Variants in PTPRK observed in about 807,000 individuals in gnomAD.
PTPRK encodes protein tyrosine phosphatase receptor type K, also known as receptor-type tyrosine-protein phosphatase kappa.
Under a neutral mutation model 178.0 loss-of-function variants are expected in PTPRK, and 75 were observed. The ratio of observed to expected loss-of-function variants is 0.42; its 90% CI spans 0.35 to 0.51. PTPRK has a LOEUF of 0.51. Among genes scored for constraint, PTPRK ranks in the 20% least tolerant of loss-of-function variants. The pLI, the probability that PTPRK is intolerant of heterozygous loss-of-function variation, is 0.02. For synonymous variants in PTPRK, 637 were observed against 620.6 expected, an observed-to-expected ratio of 1.03 and a Z score of -0.39; for missense variants, 1,441 against 1,797.8, an observed-to-expected ratio of 0.80 and a Z score of 3.59.
At chr6:128,277,524 C>T (rs1820915763) in intron 3 of PTPRK, among the ~76,000 whole-genome samples, 1 of 152,056 alleles carries the variant, frequency 6.6e-6, no homozygotes, top group Admixed American at 6.6e-5. Flanking sequence ...ACCTGTTCTC[C>T]CAAAACAATA....
At chr6:127,987,105 A>T (rs897762623) in intron 21 of PTPRK, among the ~76,000 whole-genome samples, 2 of 152,106 alleles carry the variant, frequency 1.3e-5, no homozygotes, top group Non-Finnish European at 2.9e-5. Flanking sequence ...GGAGTTGCTT[A>T]ATAGGCCTTG....
intron 7 of PTPRK, among the ~76,000 whole-genome samples, chr6:128,170,401 C>T (rs1414805371): frequency 6.6e-6 from 1 of 152,006 alleles, no homozygotes; most frequent in East Asian, 1.9e-4. Flanking sequence ...ATTAAAACAA[C>T]AAGAACAACA....
At chr6:128,006,455 A>G (rs1778422092) in intron 14 of PTPRK, among the ~76,000 whole-genome samples, 2 of 151,122 alleles carry the variant, frequency 1.3e-5, no homozygotes, top group South Asian at 4.1e-4. Context: ...TTTTCTTTAG[A>G]TACAAAACAT....
rs146267845 is a variant in PTPRK at position 128,040,094 on chromosome 6, G to A, written c.2194+24664C>T. Among the ~76,000 whole-genome samples the A allele has an allele frequency of 3.2e-3, 491 of 152,152 alleles. 2 individuals carry two copies. Among genetic ancestry groups the A allele is most frequent in the African/African-American group, 0.011 (465 of 41,530 alleles). Reference sequence around the variant, plus strand: ...AGAAAATGCCTGAATTAGATAAGGCGAAATTTTAGCTACATACTTCTTAGG... The same window carrying A: ...AGAAAATGCCTGAATTAGATAAGGCAAAATTTTAGCTACATACTTCTTAGG... On this transcript the variant is annotated intron_variant, in intron 13 of 29. Coordinates refer to ENST00000368226, the MANE Select transcript of PTPRK (RefSeq NM_002844.4).
intron 15 of PTPRK, 135 bp from the exon 16 acceptor site, chr6:127,999,039 T>A: frequency 1.3e-6 from 1 of 752,284 alleles, no homozygotes; most frequent in South Asian, 2.4e-5. Flanking sequence ...AGAAATATCA[T>A]ACAGTATAGG....
chr6:128,108,383 G>A (rs1019126972), intron 7 of PTPRK, among the ~76,000 whole-genome samples: 2 of 152,056 alleles, frequency 1.3e-5, no homozygotes, highest in Non-Finnish European at 2.9e-5. Flanking sequence ...AACAAGGTAC[G>A]TACTATGTGC....
rs937216335 is a variant in PTPRK, at chr6:128,144,296, T to A, written c.1162+40136A>T. On this transcript the variant is annotated intron_variant, in intron 7 of 29. Transcript: ENST00000368226. ...TAATGAAATAAAAAAGACATGCAAC[T>A]CATATCAATTGCCAGTTCAATGTAT... Among the ~76,000 whole-genome samples, 3 of 152,204 alleles carry A rather than the reference T, an allele frequency of 2.0e-5. No individual in the cohort carries two copies. The South Asian group carries it at 6.2e-4, about 32-fold the overall frequency.
chr6:128,467,374 G>A (rs1468103857), intron 1 of PTPRK, among the ~76,000 whole-genome samples: 1 of 152,122 alleles, frequency 6.6e-6, no homozygotes, highest in South Asian at 2.1e-4. Flanking sequence ...ACAAAAAGAA[G>A]AAAGTAAACC....
intron 2 of PTPRK, among the ~76,000 whole-genome samples, chr6:128,344,769 G>A (rs1832179887): frequency 6.6e-6 from 1 of 152,088 alleles, no homozygotes; most frequent in Admixed American, 6.5e-5. Context: ...GCCTGCCTCA[G>A]CCTCCCAAAG....
chr6:128,371,868 C>G (rs996987493), intron 2 of PTPRK, among the ~76,000 whole-genome samples: 1 of 150,140 alleles, frequency 6.7e-6, no homozygotes. Flanking sequence ...AGAGTAAGAC[C>G]TTGTCTCAAA....
Position 128,089,609 on chromosome 6 carries a change from C to T in PTPRK, c.1465+81G>A, listed in dbSNP as rs958372789. On this transcript the variant is annotated intron_variant, in intron 8 of 29. Coordinates refer to ENST00000368226, the MANE Select transcript of PTPRK (RefSeq NM_002844.4). ...TTTCAGAATCCAATTCAGTATTGGA[C>T]AATCTTAGGAAAATCTTAAAGTAAT... 20 of 1,350,174 alleles carry T rather than the reference C, an allele frequency of 1.5e-5. 1 individual carries two copies. The highest frequency in any genetic ancestry group is 1.2e-4 in the African/African-American group (8 of 69,090). The allele number at this position is 1,350,174 out of a possible 1,614,324, so 83.6% of individuals were successfully genotyped here. A position where few individuals can be genotyped will look rare whatever the true frequency, so the allele number is the denominator to read the frequency against.
chr6:128,178,540 T>C lies in PTPRK; in HGVS notation c.1162+5892A>G, dbSNP rs536335308. On this transcript the variant is annotated intron_variant, in intron 7 of 29. Transcript: ENST00000368226. ...AATAAAGTTATTCACTTATAACATA[T>C]CTTTAAAATCCCCTTATAAAAGTAA... is the stretch of plus-strand genomic sequence containing the variant. Among the ~76,000 whole-genome samples the C allele has an allele frequency of 2.6e-4, 39 of 152,030 alleles. 1 individual carries two copies. In the South Asian group the frequency reaches 8.1e-3, roughly 32 times the overall value.
At chr6:128,039,742 A>G (rs1036511664) in intron 13 of PTPRK, among the ~76,000 whole-genome samples, 1 of 152,134 alleles carries the variant, frequency 6.6e-6, no homozygotes, top group Non-Finnish European at 1.5e-5. Flanking sequence ...GCCAATGTCT[A>G]TTTTTATCCC....
intron 3 of PTPRK, among the ~76,000 whole-genome samples, chr6:128,248,830 T>A (rs185573444): frequency 6.6e-6 from 1 of 152,264 alleles, no homozygotes; most frequent in East Asian, 1.9e-4. Flanking sequence ...AGGTTCAACT[T>A]TCAAAAAATT....
At chr6:128,380,564 G>GTA (rs1185665718) in intron 2 of PTPRK, among the ~76,000 whole-genome samples, 1 of 151,430 alleles carries the variant, frequency 6.6e-6, no homozygotes, top group African/African-American at 2.4e-5. Flanking sequence ...GTGTGTGTGT[G>GTA]TGTGTGTGTG....
In PTPRK at chr6:128,219,093, G is replaced by A. The variant is rs750140925; in HGVS notation, c.697C>T (p.Arg233Ter). The change falls in exon 6 of 30, where the codon CGA becomes TGA. Residue 233 changes from arginine to a stop codon, truncating the protein, a stop_gained. Transcript: ENST00000368226. LOFTEE classifies it high-confidence loss of function. Reference sequence around the variant, plus strand: ...GCTACTGGTATATCTTCTCCATTTCGTCTCTGCAAACAGAAACCAATCTTT... The same window carrying A: ...GCTACTGGTATATCTTCTCCATTTCATCTCTGCAAACAGAAACCAATCTTT... Reference protein sequence around the residue: ...AVHNKLWLQRRNGEDIPVAQT... With the variant: ...AVHNKLWLQR 4.3e-6 allele frequency: 7 copies of A among 1,610,236 alleles called. No individual in the cohort carries two copies. The highest frequency in any genetic ancestry group is 5.9e-6 in the Non-Finnish European group (7 of 1,177,680).
intron 3 of PTPRK, among the ~76,000 whole-genome samples, chr6:128,314,841 A>G (rs920473492): frequency 1.5e-5 from 2 of 136,784 alleles, no homozygotes; most frequent in African/African-American, 2.8e-5. Flanking sequence ...ACCACTATTT[A>G]AAAAAAAAAA....
intron 1 of PTPRK, among the ~76,000 whole-genome samples, chr6:128,460,536 C>A (rs1159626211): frequency 1.3e-5 from 2 of 150,958 alleles, no homozygotes; most frequent in Admixed American, 1.3e-4. Flanking sequence ...CAAAGTGAGA[C>A]CTGTCTTTAA....
At chr6:128,300,841 C>A (rs1252556286) in intron 3 of PTPRK, among the ~76,000 whole-genome samples, 2 of 151,770 alleles carry the variant, frequency 1.3e-5, no homozygotes, top group African/African-American at 4.8e-5. Flanking sequence ...GCACATGTAC[C>A]CTAAAACTTA....
Sources: allele counts gnomAD v4.1 joint callset (sites outside exome capture counted in the v4.1 genomes callset), GRCh38; gene constraint gnomAD v4.1.1; transcripts MANE v1.5; gene names NCBI Gene and HGNC (gene_info 2026-07-23, HGNC 2026-07-21).